The following UNC5B variants were observed in gnomAD, a reference collection of about 807,000 sequenced individuals.
UNC5B encodes netrin receptor UNC5B.
A neutral mutation model predicts 103.7 loss-of-function variants in UNC5B; 56 were observed. The observed-to-expected ratio is 0.54, with a 90% CI of 0.44 to 0.67. The LOEUF (loss-of-function observed/expected upper bound fraction) is 0.67, where lower values mean the gene tolerates loss of function less well. Among genes scored for constraint, UNC5B ranks in the 30% least tolerant of loss-of-function variants. The probability of loss-of-function intolerance (pLI) is 0.00; values close to 1 mark genes in which losing one functional copy is unlikely to be tolerated. For missense variants in UNC5B, 1,194 were observed against 1,284.5 expected (o/e 0.93, Z 1.08); for synonymous variants, 577 against 542.0 (o/e 1.06, Z -0.90).
chr10:71,242,010 C>G (rs1055299760), intron 1 of UNC5B, among the ~76,000 whole-genome samples: 2 of 152,154 alleles, frequency 1.3e-5, no homozygotes, highest in African/African-American at 4.8e-5. Context: ...TGCCCACACA[C>G]GACCTGGTGC....
chr10:71,283,980 C>T (rs1479259801), intron 2 of UNC5B, among the ~76,000 whole-genome samples: 2 of 152,200 alleles, frequency 1.3e-5, no homozygotes, highest in African/African-American at 4.8e-5. Context: ...GGACAAAGCC[C>T]CATCTTGTTC....
In UNC5B at chr10:71,300,029, C is replaced by CTGTGTGTGTGTGTG. The variant is rs10681577; in HGVS notation, c.*772_*785dup. The CTGTGTGTGTGTGTG allele has an allele frequency of 4.1e-5, 6 of 146,648 alleles. No homozygotes were observed. The highest frequency in any genetic ancestry group is 2.0e-4 in the East Asian group (1 of 4,980). The allele number at this position is 146,648 out of a possible 1,614,324, so 9.1% of individuals were successfully genotyped here. A position where few individuals can be genotyped will look rare whatever the true frequency, so the allele number is the denominator to read the frequency against. ...CACTTCTGGCCAGGAGTGAATGTGCCTGTGTGTGTGTGTGTGTGTGTGTGT... is the reference window on the plus strand; with the variant it reads ...CACTTCTGGCCAGGAGTGAATGTGCCTGTGTGTGTGTGTGTGTGTGTGTGTGTGTGTGTGTGTGT... On this transcript the variant is annotated 3_prime_UTR_variant, in exon 17 of 17. Coordinates refer to ENST00000335350, the MANE Select transcript of UNC5B (RefSeq NM_170744.5).
intron 1 of UNC5B, among the ~76,000 whole-genome samples, chr10:71,243,079 A>T (rs1843942906): frequency 6.6e-6 from 1 of 152,168 alleles, no homozygotes; most frequent in Admixed American, 6.5e-5. Context: ...TATTAAAAAT[A>T]CAAAAATTAG....
At chr10:71,267,512 T>G (rs1844549232) in intron 1 of UNC5B, among the ~76,000 whole-genome samples, 1 of 152,150 alleles carries the variant, frequency 6.6e-6, no homozygotes, top group Admixed American at 6.5e-5. Flanking sequence ...GGGGGTAGGC[T>G]GGAGGCAGAC....
chr10:71,246,573 G>A (rs1176004244), intron 1 of UNC5B, among the ~76,000 whole-genome samples: 1 of 152,146 alleles, frequency 6.6e-6, no homozygotes, highest in African/African-American at 2.4e-5. Context: ...CTGGGTTGAG[G>A]GAAGGAAGAA....
At chr10:71,231,829 C>G (rs1843690132) in intron 1 of UNC5B, among the ~76,000 whole-genome samples, 1 of 152,148 alleles carries the variant, frequency 6.6e-6, no homozygotes, top group Admixed American at 6.5e-5. Flanking sequence ...GATCACCTGG[C>G]ACCTAGGTCC....
At chr10:71,246,650 G>A (rs1844044645) in intron 1 of UNC5B, among the ~76,000 whole-genome samples, 1 of 152,166 alleles carries the variant, frequency 6.6e-6, no homozygotes, top group Non-Finnish European at 1.5e-5. Flanking sequence ...GTAGATGGAA[G>A]GAAAGGAGGA....
At chr10:71,269,756 A>C (rs890737480) in intron 1 of UNC5B, among the ~76,000 whole-genome samples, 53 of 151,874 alleles carry the variant, frequency 3.5e-4, no homozygotes, top group Non-Finnish European at 6.9e-4. Context: ...AAACACATAC[A>C]CAAAGCAGGT....
chr10:71,259,747 G>C (rs940147466), intron 1 of UNC5B, among the ~76,000 whole-genome samples: 1 of 152,228 alleles, frequency 6.6e-6, no homozygotes, highest in Non-Finnish European at 1.5e-5. Context: ...ACTTGCCCAG[G>C]CCCCACAGGG....
chr10:71,286,616 A>G, intron 4 of UNC5B, 73 bp from the exon 5 acceptor site: 2 of 1,574,706 alleles, frequency 1.3e-6, no homozygotes, highest in Non-Finnish European at 1.7e-6. Flanking sequence ...GGACCCAGGT[A>G]GAACTGCCCT....
Position 71,296,071 on chromosome 10 carries a change from C to G in UNC5B, c.2325+111C>G, listed in dbSNP as rs959037551. 21 of 1,441,492 alleles carry G rather than the reference C, an allele frequency of 1.5e-5. No individual in the cohort carries two copies. The East Asian group carries it at 4.8e-4, about 33-fold the overall frequency. The allele number at this position is 1,441,492 out of a possible 1,614,324, so 89.3% of individuals were successfully genotyped here. ...CTCTGTCCTGTGGCCTTACCCCTCCCTGGATCTCTCACTGTCTCTGTCTCC... is the reference window on the plus strand; with the variant it reads ...CTCTGTCCTGTGGCCTTACCCCTCCGTGGATCTCTCACTGTCTCTGTCTCC... On this transcript the variant is annotated intron_variant, in intron 14 of 16. Transcript: ENST00000335350.
chr10:71,254,051 A>G (rs1844235830), intron 1 of UNC5B, among the ~76,000 whole-genome samples: 1 of 152,194 alleles, frequency 6.6e-6, no homozygotes, highest in South Asian at 2.1e-4. Flanking sequence ...CCTAGTAGAG[A>G]GGACAAAAAT....
intron 13 of UNC5B, 108 bp from the exon 14 acceptor site, chr10:71,295,703 C>A: frequency 7.3e-7 from 1 of 1,374,538 alleles, no homozygotes; most frequent in Non-Finnish European, 1.0e-6. Flanking sequence ...TGCAAATGCC[C>A]AGCCATGCAC....
At position 71,295,919 on chromosome 10, in the gene UNC5B, C is replaced by T. The variant is rs766963850; in HGVS notation, c.2284C>T (p.Pro762Ser). Residue 762 changes from proline to serine, a missense_variant, in exon 14 of 17, where the codon CCC becomes TCC. Pro to Ser is a moderately conservative substitution (Grantham distance 74). Transcript: ENST00000335350. ...CCTGCGCCTCTCCCTCCATGACCTC[C>T]CCCATGCCCATTGGAGGAGCAAGCT... The part of the protein sequence containing the change: ...HNLRLSLHDL[P>S]HAHWRSKLLA... 2 of 1,613,316 alleles carry T rather than the reference C, an allele frequency of 1.2e-6. No homozygotes were observed. The highest frequency in any genetic ancestry group is 1.7e-6 in the Non-Finnish European group (2 of 1,180,028).
chr10:71,214,979 C>T (rs1843302332), intron 1 of UNC5B, among the ~76,000 whole-genome samples: 1 of 152,184 alleles, frequency 6.6e-6, no homozygotes, highest in Non-Finnish European at 1.5e-5. Flanking sequence ...GCAGTAGCTG[C>T]CTGCCCACCA....
chr10:71,216,477 T>C (rs1481776968), intron 1 of UNC5B, among the ~76,000 whole-genome samples: 1 of 152,134 alleles, frequency 6.6e-6, no homozygotes, highest in East Asian at 1.9e-4. Context: ...ACCCCCAGCA[T>C]TGGCCTCCTG....
intron 8 of UNC5B, among the ~76,000 whole-genome samples, chr10:71,289,277 G>C (rs1845183918): frequency 6.6e-6 from 1 of 152,234 alleles, no homozygotes; most frequent in Admixed American, 6.5e-5. Context: ...CAGAGACACA[G>C]GCAAGAAATA....
At chr10:71,293,354 A>G (rs748291930) in intron 11 of UNC5B, 51 bp from the exon 12 acceptor site, 2 of 1,556,494 alleles carry the variant, frequency 1.3e-6, no homozygotes, top group East Asian at 4.6e-5. Flanking sequence ...AGGAGCCTGC[A>G]CCTTTGCCGA....
intron 1 of UNC5B, among the ~76,000 whole-genome samples, chr10:71,230,833 TC>T (rs1169478300): frequency 6.6e-6 from 1 of 152,214 alleles, no homozygotes; most frequent in Non-Finnish European, 1.5e-5. Flanking sequence ...TTCCCCACCT[TC>T]CCACCACTCA....
Sources: gnomAD v4.1 joint callset for allele counts (sites outside exome capture counted in the v4.1 genomes callset) on GRCh38, gnomAD v4.1.1 for gene constraint, MANE v1.5 for transcripts, NCBI Gene and HGNC (gene_info 2026-07-23, HGNC 2026-07-21) for gene names.